Variants in WWC1 observed in about 807,000 individuals in gnomAD.
WWC1 encodes the protein protein KIBRA.
A neutral mutation model predicts 138.4 loss-of-function variants in WWC1; 55 were observed. That is an observed-to-expected ratio of 0.40 (90% confidence interval 0.32 to 0.50). WWC1 has a LOEUF of 0.50. WWC1 is among the 20% of genes least tolerant of loss of function. The probability of loss-of-function intolerance (pLI) is 0.72; values close to 1 mark genes in which losing one functional copy is unlikely to be tolerated. For synonymous variants in WWC1, 524 were observed against 564.9 expected (o/e 0.93, Z 1.03); for missense variants, 1,226 against 1,420.4 (o/e 0.86, Z 2.20).
At chr5:168,317,347 T>C (rs764607669) in intron 1 of WWC1, among the ~76,000 whole-genome samples, 15 of 152,188 alleles carry the variant, frequency 9.9e-5, no homozygotes, top group Admixed American at 2.0e-4. Flanking sequence ...GCTCTCGCAC[T>C]CTCCGGGGTG....
intron 21 of WWC1, among the ~76,000 whole-genome samples, chr5:168,465,536 A>T (rs1258353168): frequency 1.8e-4 from 19 of 103,894 alleles, no homozygotes; most frequent in Admixed American, 7.4e-4. Context: ...ACAAAGTTTT[A>T]TATCAGCTGG....
At chr5:168,389,374 C>T (rs936104957) in intron 3 of WWC1, among the ~76,000 whole-genome samples, 3 of 151,182 alleles carry the variant, frequency 2.0e-5, no homozygotes, top group African/African-American at 7.3e-5. Flanking sequence ...TTGCTTGAAC[C>T]CAGGAGACGG....
At chr5:168,406,370 C>T in intron 6 of WWC1, 43 bp downstream of exon 6, 1 of 1,608,924 alleles carries the variant, frequency 6.2e-7, no homozygotes, top group Non-Finnish European at 8.5e-7. Flanking sequence ...TTGATTTCTC[C>T]TGAGTATTCC....
intron 10 of WWC1, among the ~76,000 whole-genome samples, chr5:168,422,542 G>T (rs369880029): frequency 3.9e-5 from 6 of 152,024 alleles, no homozygotes; most frequent in African/African-American, 1.2e-4. Flanking sequence ...ACTTGAGCCC[G>T]GGAGGAGGCT....
intron 1 of WWC1, among the ~76,000 whole-genome samples, chr5:168,321,521 A>C (rs1237913851): frequency 6.7e-6 from 1 of 150,204 alleles, no homozygotes; most frequent in African/African-American, 2.4e-5. Flanking sequence ...GCCTTCTCTC[A>C]TAGGGCAATA....
chr5:168,349,775 C>T (rs1209483913), intron 1 of WWC1, among the ~76,000 whole-genome samples: 2 of 152,072 alleles, frequency 1.3e-5, no homozygotes, highest in Non-Finnish European at 2.9e-5. Flanking sequence ...GGCCACTGGG[C>T]GGGAGGCTCA....
Position 168,424,005 on chromosome 5 carries a change from A to G in WWC1, c.1747A>G (p.Asn583Asp), listed in dbSNP as rs760081344. 1.9e-6 allele frequency: 3 copies of G among 1,613,708 alleles called. No homozygotes were observed. In the East Asian group the frequency reaches 6.7e-5, roughly 36 times the overall value. Residue 583 changes from asparagine to aspartate, a missense_variant, in exon 11 of 23, where the codon AAC becomes GAC. By Grantham distance (23) the Asn-to-Asp change is conservative (BLOSUM62 1). Transcript: ENST00000265293. ...CACTCTTTGTGAACTGAGCCTTGGTAACAGCGCCCAGGAAAGATACCGGCT... is the reference window on the plus strand; with the variant it reads ...CACTCTTTGTGAACTGAGCCTTGGTGACAGCGCCCAGGAAAGATACCGGCT... ...SATLCELSLGNSAQERYRLEE... is the reference protein window; with the variant it reads ...SATLCELSLGDSAQERYRLEE...
At chr5:168,311,915 G>T (rs553473667) in intron 1 of WWC1, among the ~76,000 whole-genome samples, 1 of 152,026 alleles carries the variant, frequency 6.6e-6, no homozygotes, top group African/African-American at 2.4e-5. Flanking sequence ...CGGGCATGGT[G>T]GCGCACACCT....
At chr5:168,295,214 G>T (rs1769419959) in intron 1 of WWC1, among the ~76,000 whole-genome samples, 3 of 152,056 alleles carry the variant, frequency 2.0e-5, no homozygotes, top group Non-Finnish European at 2.9e-5. Context: ...TTGAGAAGTG[G>T]GTTGGTTAGA....
chr5:168,459,889 C>A (rs1756652920), intron 19 of WWC1, among the ~76,000 whole-genome samples: 1 of 152,132 alleles, frequency 6.6e-6, no homozygotes, highest in South Asian at 2.1e-4. Context: ...TCCCACCTCC[C>A]AGGGGGTGCT....
intron 1 of WWC1, among the ~76,000 whole-genome samples, chr5:168,333,187 A>G (rs952402170): frequency 2.6e-5 from 4 of 152,314 alleles, no homozygotes; most frequent in Admixed American, 1.3e-4. Context: ...GACTCCATGA[A>G]GCTCACAGGG....
intron 21 of WWC1, among the ~76,000 whole-genome samples, chr5:168,467,521 C>T (rs1757400671): frequency 6.6e-6 from 1 of 152,118 alleles, no homozygotes; most frequent in Admixed American, 6.6e-5. Flanking sequence ...AGCCTAAGTT[C>T]CCTGGGTAAA....
In WWC1 at chr5:168,292,110, C is replaced by T; in HGVS notation, c.-43C>T. On this transcript the variant is annotated 5_prime_UTR_variant, in exon 1 of 23. Coordinates refer to ENST00000265293, the MANE Select transcript of WWC1 (RefSeq NM_015238.3). This position sits in a 1 kb window ranked among gnomAD's most constrained non-coding sequence, Gnocchi z 4.4. ...GGCTGGAGCCGCTGAGCCCCCGCTG[C>T]GGCCGGGAGCTGCATGGGGGAGCGC... 2.7e-6 allele frequency: 4 copies of T among 1,489,926 alleles called. No homozygotes were observed. Among genetic ancestry groups the T allele is most frequent in the Non-Finnish European group, 3.6e-6 (4 of 1,121,048 alleles). 92.3% of individuals were successfully genotyped at this position (1,489,926 alleles called of 1,614,324 possible).
intron 5 of WWC1, among the ~76,000 whole-genome samples, chr5:168,405,538 A>G (rs1293711494): frequency 1.3e-5 from 2 of 152,286 alleles, no homozygotes; most frequent in Admixed American, 6.5e-5. Context: ...GCAGAGTCAC[A>G]GCTATGTGTG....
intron 1 of WWC1, among the ~76,000 whole-genome samples, chr5:168,307,905 C>T (rs1345514232): frequency 2.0e-5 from 3 of 152,090 alleles, no homozygotes; most frequent in Non-Finnish European, 4.4e-5. Flanking sequence ...CCACCATGCC[C>T]GGCCAATTTC....
At chr5:168,388,171 C>T (rs767542980) in intron 3 of WWC1, among the ~76,000 whole-genome samples, 4 of 152,118 alleles carry the variant, frequency 2.6e-5, no homozygotes, top group Non-Finnish European at 5.9e-5. Context: ...TGCCTTCTGA[C>T]GTGATGCAAT....
chr5:168,337,859 G>A (rs1383758674), intron 1 of WWC1, among the ~76,000 whole-genome samples: 2 of 152,174 alleles, frequency 1.3e-5, no homozygotes, highest in Non-Finnish European at 2.9e-5. Flanking sequence ...CCAGGAGCTA[G>A]CCATGCAGGA....
chr5:168,373,682 A>C (rs939639135), intron 2 of WWC1, among the ~76,000 whole-genome samples: 5 of 139,084 alleles, frequency 3.6e-5, no homozygotes, highest in Non-Finnish European at 7.6e-5. Context: ...CCAGGAGTTC[A>C]AGGCTAGTCT....
At chr5:168,356,430 G>T (rs996747446) in intron 1 of WWC1, among the ~76,000 whole-genome samples, 4 of 152,230 alleles carry the variant, frequency 2.6e-5, no homozygotes, top group Non-Finnish European at 4.4e-5. Flanking sequence ...TTATGTGTTG[G>T]TGTCCATAGG....
Sources: allele counts gnomAD v4.1 joint callset (sites outside exome capture counted in the v4.1 genomes callset), GRCh38; gene constraint gnomAD v4.1.1; non-coding constraint Gnocchi (gnomAD v3.1); transcripts MANE v1.5; gene names NCBI Gene and HGNC (gene_info 2026-07-23, HGNC 2026-07-21).